POLA2: variants seen among roughly 807,000 people sequenced by gnomAD.
POLA2 encodes DNA polymerase alpha subunit B.
Under a neutral mutation model 82.8 loss-of-function variants are expected in POLA2, and 47 were observed. The observed-to-expected ratio is 0.57, with a 90% CI of 0.45 to 0.72. The LOEUF (loss-of-function observed/expected upper bound fraction) is 0.72. Among genes scored for constraint, POLA2 ranks in the 30% least tolerant of loss-of-function variants. The pLI is 0.00. For missense variants in POLA2, 634 were observed against 728.1 expected, an observed-to-expected ratio of 0.87 and a Z score of 1.49; for synonymous variants, 287 against 286.8, an observed-to-expected ratio of 1.00 and a Z score of -0.01.
intron 1 of POLA2, among the ~76,000 whole-genome samples, chr11:65,264,127 G>A (rs1253402264): frequency 6.6e-6 from 1 of 152,112 alleles, no homozygotes; most frequent in Admixed American, 6.5e-5. Flanking sequence ...GAGTGCAATG[G>A]TGCAATCTTG....
At chr11:65,263,762 G>A (rs1827523342) in intron 1 of POLA2, among the ~76,000 whole-genome samples, 1 of 151,358 alleles carries the variant, frequency 6.6e-6, no homozygotes, top group Admixed American at 6.6e-5. Flanking sequence ...GAGAGGCAGA[G>A]GTTGTGGTGA....
intron 15 of POLA2, chr11:65,294,862 T>G (rs1949793357): frequency 2.3e-6 from 1 of 430,272 alleles, no homozygotes; most frequent in African/African-American, 2.0e-5. Context: ...CTCTCTAAAC[T>G]GCGTTTGAGA....
chr11:65,272,178 G>A (rs1055852028), intron 4 of POLA2, among the ~76,000 whole-genome samples: 9 of 152,100 alleles, frequency 5.9e-5, no homozygotes, highest in African/African-American at 2.2e-4. Context: ...GCATGATGGT[G>A]GGTGTCTGTA....
intron 4 of POLA2, among the ~76,000 whole-genome samples, chr11:65,271,157 G>A (rs1274832300): frequency 6.6e-6 from 1 of 152,020 alleles, no homozygotes; most frequent in Admixed American, 6.6e-5. Flanking sequence ...TTTTGTTTTA[G>A]TCGGCCTTCC....
chr11:65,273,106 G>A (rs1273397273), intron 4 of POLA2, among the ~76,000 whole-genome samples: 1 of 151,680 alleles, frequency 6.6e-6, no homozygotes, highest in Non-Finnish European at 1.5e-5. Context: ...GATCACCTGA[G>A]GTCAGGAGTT....
chr11:65,269,685 A>G (rs1373124319), intron 4 of POLA2, among the ~76,000 whole-genome samples: 15 of 152,244 alleles, frequency 9.9e-5, no homozygotes. Context: ...CAGTAATGGT[A>G]ACTATTCTTT....
intron 4 of POLA2, among the ~76,000 whole-genome samples, chr11:65,269,554 T>C (rs1000714229): frequency 6.6e-5 from 10 of 150,854 alleles, no homozygotes; most frequent in African/African-American, 2.0e-4. Context: ...CAATGGTGAA[T>C]GAAACAGACA....
intron 5 of POLA2, 101 bp from the exon 6 acceptor site, chr11:65,278,628 CT>C: frequency 1.1e-6 from 1 of 948,144 alleles, no homozygotes; most frequent in Non-Finnish European, 1.6e-6. Flanking sequence ...ATGAGGCCAC[CT>C]TCCTTTTCTC....
At chr11:65,285,058 A>G (rs1243790818) in intron 10 of POLA2, among the ~76,000 whole-genome samples, 1 of 152,042 alleles carries the variant, frequency 6.6e-6, no homozygotes, top group Non-Finnish European at 1.5e-5. Flanking sequence ...TTGCTTGACC[A>G]CAGGAGTTTG....
At chr11:65,264,499 T>G (rs988631242) in intron 1 of POLA2, among the ~76,000 whole-genome samples, 1 of 152,172 alleles carries the variant, frequency 6.6e-6, no homozygotes, top group Non-Finnish European at 1.5e-5. Context: ...AGGCCCCTGG[T>G]CTCTTTACTC....
chr11:65,296,182 G>A (rs1949809303), intron 17 of POLA2, 192 bp downstream of exon 17: 1 of 619,244 alleles, frequency 1.6e-6, no homozygotes, highest in African/African-American at 1.8e-5. Flanking sequence ...TAAAATGCTT[G>A]AGTAAACAGT....
chr11:65,291,294 C>G (rs1267129756), intron 13 of POLA2, among the ~76,000 whole-genome samples: 5 of 152,194 alleles, frequency 3.3e-5, no homozygotes, highest in Non-Finnish European at 5.9e-5. Flanking sequence ...CGCCTTTTAG[C>G]CATGAGAACT....
In POLA2 at chr11:65,281,085, T is replaced by C. The variant is rs1949635947; in HGVS notation, c.838T>C (p.Ser280Pro). 2 of 1,614,154 alleles carry C rather than the reference T, an allele frequency of 1.2e-6. No individual in the cohort carries two copies. Among genetic ancestry groups the C allele is most frequent in the Non-Finnish European group, 1.7e-6 (2 of 1,180,008 alleles). Residue 280 changes from serine to proline, a missense_variant, in exon 8 of 18, where the codon TCG (serine) becomes CCG (proline). Ser to Pro is a moderately conservative substitution (Grantham distance 74, BLOSUM62 -1). Coordinates refer to ENST00000265465, the MANE Select transcript of POLA2 (RefSeq NM_002689.4). ...VILEGDREHS[S>P]GAQIPVDLSE... ...TCTCGAGGGAGACCGGGAACATTCCTCGGGTGCTCAAATTCCAGTGGATTT... is the reference window on the plus strand; with the variant it reads ...TCTCGAGGGAGACCGGGAACATTCCCCGGGTGCTCAAATTCCAGTGGATTT...
chr11:65,284,098 C>T (rs949400238), intron 10 of POLA2, among the ~76,000 whole-genome samples: 1 of 151,634 alleles, frequency 6.6e-6, no homozygotes, highest in Non-Finnish European at 1.5e-5. Context: ...CATGCCACTG[C>T]ACTTCAGCAT....
chr11:65,262,310 G>A lies in POLA2; in HGVS notation c.18G>A (p.Gln6=). The stretch of plus-strand genomic sequence containing the variant: ...GGGCGACCATGTCCGCATCCGCCCA[G>A]CAGCTGGCGGAGGAGCTGCAGATCT... MSASA[Q]QLAEELQIFG... is the part of the protein sequence containing the mutation. The change falls in exon 1 of 18, where the codon CAG becomes CAA. Residue 6 remains glutamine (Q), a synonymous_variant. Coordinates refer to ENST00000265465, the MANE Select transcript of POLA2 (RefSeq NM_002689.4). 1 of 1,613,522 alleles carries A rather than the reference G, an allele frequency of 6.2e-7. No individual in the cohort carries two copies. The highest frequency in any genetic ancestry group is 8.5e-7 in the Non-Finnish European group (1 of 1,179,736).
intron 15 of POLA2, among the ~76,000 whole-genome samples, chr11:65,295,161 C>G (rs1016946540): frequency 6.6e-6 from 1 of 152,204 alleles, no homozygotes; most frequent in Non-Finnish European, 1.5e-5. Context: ...TGAAGCGACT[C>G]GCGTGTGAAG....
chr11:65,305,542 T>G (rs1279303107), exon 9 of POLA2: 1 of 382,624 alleles, frequency 2.6e-6, no homozygotes, highest in Non-Finnish European at 5.1e-6. Flanking sequence ...GGCACGGTGG[T>G]GCGTGCCTGT....
intron 11 of POLA2, among the ~76,000 whole-genome samples, chr11:65,288,318 A>G (rs1949718662): frequency 6.6e-6 from 1 of 151,900 alleles, no homozygotes; most frequent in Non-Finnish European, 1.5e-5. Flanking sequence ...AAAAAATAAA[A>G]ATAAAAGCCC....
intron 8 of POLA2, 91 bp downstream of exon 8, chr11:65,281,238 T>A (rs1949638136): frequency 4.5e-6 from 6 of 1,336,098 alleles, no homozygotes; most frequent in Admixed American, 1.9e-5. Context: ...CCTCAGTTCC[T>A]GTCTCTGCTG....
Sources: allele counts gnomAD v4.1 joint callset (sites outside exome capture counted in the v4.1 genomes callset), GRCh38; gene constraint gnomAD v4.1.1; transcripts MANE v1.5; gene names NCBI Gene and HGNC (gene_info 2026-07-23, HGNC 2026-07-21).